THSD7A: variants seen among roughly 807,000 people sequenced by gnomAD.
THSD7A encodes thrombospondin type-1 domain-containing protein 7A.
In THSD7A, 96 loss-of-function variants were observed where a neutral mutation model predicts 231.3. The observed-to-expected ratio is 0.41, with a 90% CI of 0.35 to 0.49. The LOEUF is 0.49. Ranked by LOEUF, THSD7A falls within the 20% of genes least tolerant of loss-of-function variation. The probability of loss-of-function intolerance (pLI) is 0.05; values close to 1 mark genes in which losing one functional copy is unlikely to be tolerated. For synonymous variants in THSD7A, 940 were observed against 743.3 expected (o/e 1.26, Z -4.30); for missense variants, 2,290 against 2,070.2 (o/e 1.11, Z -2.06).
chr7:11,553,422 A>C (rs895454045), intron 4 of THSD7A, among the ~76,000 whole-genome samples: 1 of 152,086 alleles, frequency 6.6e-6, no homozygotes, highest in Non-Finnish European at 1.5e-5. Flanking sequence ...AGTTATTTGG[A>C]ATCAGTGTAA....
intron 4 of THSD7A, among the ~76,000 whole-genome samples, chr7:11,560,226 A>T (rs1269267615): frequency 6.6e-6 from 1 of 152,144 alleles, no homozygotes. Context: ...ATGCAGTATC[A>T]TAAGGTTTTG....
rs116375020 is a variant in THSD7A at position 11,735,881 on chromosome 7, T to A, written c.190+95876A>T. Among the ~76,000 whole-genome samples, 1,066 of 152,048 alleles carry A rather than the reference T, an allele frequency of 7.0e-3. 13 individuals carry two copies. The highest frequency in any genetic ancestry group is 0.025 in the African/African-American group (1,023 of 41,544). ...AAAATTGACATACACATGAAAATAT[T>A]CTTCATTATGTGAAAAATATATGAC... On this transcript the variant is annotated intron_variant, in intron 1 of 27. Coordinates refer to ENST00000423059, the MANE Select transcript of THSD7A (RefSeq NM_015204.3).
At chr7:11,409,744 ATGT>A (rs142725924) in intron 19 of THSD7A, among the ~76,000 whole-genome samples, 1,880 of 151,918 alleles carry the variant, frequency 0.012, 50 homozygotes, top group African/African-American at 0.043. Context: ...ATTAATACTG[ATGT>A]TCTTTTTTTT....
chr7:11,446,987 G>T lies in THSD7A; in HGVS notation c.2800+243C>A, dbSNP rs756040084. The stretch of plus-strand genomic sequence containing the variant: ...TGCAGGCAGTCCACTAAAAGATTAT[G>T]TCTACACCAGAAAATAATCCACTGC... On this transcript the variant is annotated intron_variant, in intron 12 of 27. Transcript: ENST00000423059. This position sits in a 1 kb window ranked among gnomAD's most constrained non-coding sequence, Gnocchi z 4.0. Among the ~76,000 whole-genome samples, 4 of 152,030 alleles carry T rather than the reference G, an allele frequency of 2.6e-5. No individual in the cohort carries two copies. Among genetic ancestry groups the T allele is most frequent in the African/African-American group, 4.8e-5 (2 of 41,394 alleles).
rs776461816 is a variant in THSD7A at position 11,406,350 on chromosome 7, T to A, written c.4187A>T (p.Asp1396Val). ...EFCADIELII[D>V]GNKNMVLEES... ...CTCCAGAACCATATTTTTATTACCA[T>A]CTATAATGAGTTCAATGTCAGCACA... The change falls in exon 22 of 28, where the codon GAT (aspartate) becomes GTT (valine). Residue 1396 changes from aspartate to valine, a missense_variant. Asp to Val is a radical substitution (Grantham distance 152, BLOSUM62 -3). Transcript: ENST00000423059. The surrounding 1 kb of genome is among the most constrained non-coding windows in gnomAD (Gnocchi z 4.7). 1.9e-6 allele frequency: 3 copies of A among 1,613,848 alleles called. No homozygotes were observed. The South Asian group carries it at 3.3e-5, about 18-fold the overall frequency.
At chr7:11,401,326 G>C (rs1268440936) in intron 23 of THSD7A, among the ~76,000 whole-genome samples, 1 of 152,134 alleles carries the variant, frequency 6.6e-6, no homozygotes, top group Non-Finnish European at 1.5e-5. Context: ...AGGGTGGCAG[G>C]ATGTTCCATC....
chr7:11,530,838 T>G (rs1326192429), intron 6 of THSD7A, among the ~76,000 whole-genome samples: 2 of 152,008 alleles, frequency 1.3e-5, no homozygotes, highest in African/African-American at 4.8e-5. Flanking sequence ...CAGTGAAGCC[T>G]GGTCTCTACT....
In THSD7A at chr7:11,370,805, T is replaced by A. The variant is rs1172110292; in HGVS notation, c.*4989A>T. 4.6e-5 allele frequency: 7 copies of A among 152,274 alleles called. No individual in the cohort carries two copies. The highest frequency in any genetic ancestry group is 1.7e-4 in the African/African-American group (7 of 41,566). 9.4% of individuals were successfully genotyped at this position (152,274 alleles called of 1,614,324 possible). A position where few individuals can be genotyped will look rare whatever the true frequency, so the allele number is the denominator to read the frequency against. On this transcript the variant is annotated 3_prime_UTR_variant, in exon 28 of 28. Transcript: ENST00000423059. Reference sequence around the variant, plus strand: ...GATTGCAAATTTTAATAAAGTTATATTTTACAATGATAGATACTGATCTCT... The same window carrying A: ...GATTGCAAATTTTAATAAAGTTATAATTTACAATGATAGATACTGATCTCT...
chr7:11,729,759 C>T (rs1781665549), intron 1 of THSD7A, among the ~76,000 whole-genome samples: 1 of 151,648 alleles, frequency 6.6e-6, no homozygotes, highest in African/African-American at 2.4e-5. Flanking sequence ...TACGGAAATA[C>T]TGGAAACACA....
At chr7:11,774,880 C>T (rs1562546034) in intron 1 of THSD7A, among the ~76,000 whole-genome samples, 1 of 152,064 alleles carries the variant, frequency 6.6e-6, no homozygotes, top group South Asian at 2.1e-4. Context: ...CATGGCGAAA[C>T]CTTGTCTCTA....
At chr7:11,514,534 G>C (rs1787947156) in intron 6 of THSD7A, among the ~76,000 whole-genome samples, 1 of 152,104 alleles carries the variant, frequency 6.6e-6, no homozygotes, top group African/African-American at 2.4e-5. Flanking sequence ...AGAGAAGGAG[G>C]AGATCATGAG....
At chr7:11,686,934 G>A (rs531791323) in intron 1 of THSD7A, among the ~76,000 whole-genome samples, 38 of 151,802 alleles carry the variant, frequency 2.5e-4, no homozygotes, top group Admixed American at 1.4e-3. Flanking sequence ...ATATATCCAG[G>A]TAACAAACCT....
At chr7:11,807,971 C>G (rs889352682) in intron 1 of THSD7A, among the ~76,000 whole-genome samples, 1 of 152,072 alleles carries the variant, frequency 6.6e-6, no homozygotes, top group African/African-American at 2.4e-5. Flanking sequence ...AATACTGAAA[C>G]TCACTCCCGT....
chr7:11,409,348 G>A (rs1783701758), intron 19 of THSD7A, among the ~76,000 whole-genome samples: 2 of 152,192 alleles, frequency 1.3e-5, no homozygotes, highest in Admixed American at 6.5e-5. Context: ...TTGCACAGTC[G>A]AATTTTAAGT....
At chr7:11,491,663 C>T (rs1786899533) in intron 6 of THSD7A, among the ~76,000 whole-genome samples, 1 of 151,950 alleles carries the variant, frequency 6.6e-6, no homozygotes, top group South Asian at 2.1e-4. Context: ...ATACAATCAC[C>T]CAAATAGTCA....
chr7:11,449,269 A>G (rs1221752881), intron 11 of THSD7A, among the ~76,000 whole-genome samples: 1 of 152,098 alleles, frequency 6.6e-6, no homozygotes, highest in Non-Finnish European at 1.5e-5. Flanking sequence ...TGCATCAGAA[A>G]CACCTAGAAT....
In THSD7A at chr7:11,453,326, C is replaced by CT. The variant is rs5882310; in HGVS notation, c.2606-5903dup. On this transcript the variant is annotated intron_variant, in intron 11 of 27. Coordinates refer to ENST00000423059, the MANE Select transcript of THSD7A (RefSeq NM_015204.3). The stretch of plus-strand genomic sequence containing the variant: ...GGGAGAATTAGAATTTTTCTTTTAC[C>CT]TTTTTTTTTTTTTAAGGACTCTCCT... 9.5e-5 allele frequency among the ~76,000 whole-genome samples: 14 copies of CT among 146,802 alleles called. No homozygotes were observed. In the East Asian group the frequency reaches 1.8e-3, roughly 19 times the overall value.
At chr7:11,696,653 G>A (rs1007351610) in intron 1 of THSD7A, among the ~76,000 whole-genome samples, 3 of 151,022 alleles carry the variant, frequency 2.0e-5, no homozygotes, top group African/African-American at 7.3e-5. Flanking sequence ...GCTACAGAGA[G>A]AATAAAATAC....
chr7:11,588,706 A>G (rs1029535856), intron 4 of THSD7A, among the ~76,000 whole-genome samples: 15 of 152,218 alleles, frequency 9.9e-5, no homozygotes, highest in African/African-American at 3.6e-4. Flanking sequence ...CCTACAGGAC[A>G]TAATTGACAT....
Sources: allele counts gnomAD v4.1 joint callset (sites outside exome capture counted in the v4.1 genomes callset), GRCh38; gene constraint gnomAD v4.1.1; non-coding constraint Gnocchi (gnomAD v3.1); transcripts MANE v1.5; gene names NCBI Gene and HGNC (gene_info 2026-07-23, HGNC 2026-07-21).